Variants in GALNTL6 observed in about 807,000 individuals in gnomAD.
The protein encoded by GALNTL6 is polypeptide N-acetylgalactosaminyltransferase-like 6.
A neutral mutation model predicts 73.7 loss-of-function variants in GALNTL6; 46 were observed. The ratio of observed to expected loss-of-function variants is 0.62; its 90% CI spans 0.49 to 0.80. GALNTL6 has a LOEUF of 0.80. Ranked by LOEUF, GALNTL6 falls within the 30% of genes least tolerant of loss-of-function variation. GALNTL6 has a pLI of 0.00. For missense variants in GALNTL6, 604 were observed against 755.0 expected, an observed-to-expected ratio of 0.80 and a Z score of 2.34; for synonymous variants, 259 against 263.7, an observed-to-expected ratio of 0.98 and a Z score of 0.17.
chr4:172,832,693 G>T (rs1246684972), intron 7 of GALNTL6, among the ~76,000 whole-genome samples: 1 of 152,116 alleles, frequency 6.6e-6, no homozygotes, highest in Admixed American at 6.5e-5. Flanking sequence ...GGGTCAGTGG[G>T]CTCACACAGC....
At chr4:171,816,211 T>C (rs182808468) in intron 2 of GALNTL6, 20 of 152,214 alleles carry the variant, frequency 1.3e-4, no homozygotes, top group African/African-American at 4.6e-4. Context: ...TTTCTTGAAA[T>C]TTGCTAATTC....
At chr4:171,899,208 A>C (rs913730291) in intron 2 of GALNTL6, among the ~76,000 whole-genome samples, 3 of 144,926 alleles carry the variant, frequency 2.1e-5, no homozygotes, top group Admixed American at 2.0e-4. Context: ...AAATGTAATT[A>C]GCACTGAAAA....
At chr4:172,231,082 A>G (rs1406706776) in intron 3 of GALNTL6, among the ~76,000 whole-genome samples, 6 of 152,052 alleles carry the variant, frequency 3.9e-5, no homozygotes, top group Non-Finnish European at 7.4e-5. Flanking sequence ...AACTTCTTCT[A>G]GGTTTTATCA....
intron 8 of GALNTL6, among the ~76,000 whole-genome samples, chr4:172,907,629 GATAGTACC>G (rs1746972047): frequency 6.6e-6 from 1 of 152,174 alleles, no homozygotes; most frequent in African/African-American, 2.4e-5. Context: ...TGAAACCATG[GATAGTACC>G]AAATCTGATT....
intron 5 of GALNTL6, among the ~76,000 whole-genome samples, chr4:172,513,958 T>C (rs1734516540): frequency 6.6e-6 from 1 of 152,186 alleles, no homozygotes; most frequent in Non-Finnish European, 1.5e-5. Flanking sequence ...TTACAGGTGG[T>C]AAAGTTAGCT....
At chr4:172,325,739 C>G (rs1740919420) in intron 4 of GALNTL6, among the ~76,000 whole-genome samples, 1 of 151,578 alleles carries the variant, frequency 6.6e-6, no homozygotes, top group South Asian at 2.1e-4. Context: ...TCTTTATTTC[C>G]TAGAACAATC....
At chr4:171,921,994 G>T (rs1397790541) in intron 2 of GALNTL6, among the ~76,000 whole-genome samples, 1 of 151,798 alleles carries the variant, frequency 6.6e-6, no homozygotes, top group African/African-American at 2.4e-5. Context: ...TTGTCCAAAA[G>T]CTTCTAATTT....
chr4:172,308,371 G>T (rs1334274405), intron 3 of GALNTL6, among the ~76,000 whole-genome samples: 5 of 151,908 alleles, frequency 3.3e-5, no homozygotes. Flanking sequence ...ATGTTGAAAA[G>T]AAGTGGTGAA....
At chr4:172,017,755 C>T (rs911802118) in intron 2 of GALNTL6, among the ~76,000 whole-genome samples, 1 of 152,076 alleles carries the variant, frequency 6.6e-6, no homozygotes, top group Non-Finnish European at 1.5e-5. Flanking sequence ...TTCCTAAGAG[C>T]CAGACTGCAG....
chr4:172,378,314 A>G (rs76759010), intron 5 of GALNTL6, among the ~76,000 whole-genome samples: 3,114 of 152,278 alleles, frequency 0.02, 102 homozygotes, highest in African/African-American at 0.07. Flanking sequence ...TTCAAGGAAA[A>G]AGGACCTTGC....
intron 5 of GALNTL6, among the ~76,000 whole-genome samples, chr4:172,406,025 A>G (rs986717730): frequency 6.6e-6 from 1 of 152,038 alleles, no homozygotes; most frequent in Non-Finnish European, 1.5e-5. Flanking sequence ...ATCTAAATCT[A>G]GTCTTATTGA....
intron 5 of GALNTL6, among the ~76,000 whole-genome samples, chr4:172,460,003 G>A (rs1432752565): frequency 1.3e-5 from 2 of 152,152 alleles, no homozygotes; most frequent in Non-Finnish European, 2.9e-5. Flanking sequence ...CATGGCACTG[G>A]TACCAAAACA....
intron 5 of GALNTL6, among the ~76,000 whole-genome samples, chr4:172,353,324 G>A (rs1347090730): frequency 6.6e-6 from 1 of 151,984 alleles, no homozygotes; most frequent in Non-Finnish European, 1.5e-5. Context: ...AAGCTTCAGT[G>A]AATAATATGG....
At chr4:172,727,274 A>G (rs1735871698) in intron 5 of GALNTL6, among the ~76,000 whole-genome samples, 1 of 152,172 alleles carries the variant, frequency 6.6e-6, no homozygotes, top group Non-Finnish European at 1.5e-5. Flanking sequence ...CTCTAAATTC[A>G]TCTGCAGAAA....
intron 5 of GALNTL6, among the ~76,000 whole-genome samples, chr4:172,365,868 G>A (rs555204378): frequency 7.2e-5 from 11 of 152,006 alleles, no homozygotes; most frequent in African/African-American, 1.9e-4. Flanking sequence ...TTAGACATCC[G>A]GTATAATCAA....
intron 2 of GALNTL6, among the ~76,000 whole-genome samples, chr4:172,069,583 T>TG (rs776675339): frequency 3.8e-5 from 2 of 51,996 alleles, no homozygotes; most frequent in Non-Finnish European, 7.9e-5. Flanking sequence ...ATGTTATATA[T>TG]TATATATATA....
intron 5 of GALNTL6, among the ~76,000 whole-genome samples, chr4:172,544,104 C>T (rs1306539500): frequency 6.6e-6 from 1 of 152,202 alleles, no homozygotes; most frequent in Non-Finnish European, 1.5e-5. Context: ...TTGCCAGTTT[C>T]TCTGGTGGCT....
chr4:172,769,204 G>A (rs1056753595), intron 5 of GALNTL6, among the ~76,000 whole-genome samples: 1 of 152,054 alleles, frequency 6.6e-6, no homozygotes, highest in Non-Finnish European at 1.5e-5. Flanking sequence ...AGTAGTTAGA[G>A]TAGCACAATC....
intron 10 of GALNTL6, among the ~76,000 whole-genome samples, chr4:172,953,387 T>C (rs17059058): frequency 0.019 from 2,840 of 152,314 alleles, 90 homozygotes; most frequent in African/African-American, 0.063. Context: ...AGGCTAGATG[T>C]TCACACCGTC....
Sources: gnomAD v4.1 joint callset for allele counts (sites outside exome capture counted in the v4.1 genomes callset) on GRCh38, gnomAD v4.1.1 for gene constraint, MANE v1.5 for transcripts, NCBI Gene and HGNC (gene_info 2026-07-23, HGNC 2026-07-21) for gene names.